Variants in ROCK1 observed in about 807,000 individuals in gnomAD.
The protein encoded by ROCK1 is Rho associated coiled-coil containing protein kinase 1, also known as rho-associated protein kinase 1.
In ROCK1, 36 loss-of-function variants were observed where a neutral mutation model predicts 196.8. The observed-to-expected ratio is 0.18, with a 90% CI of 0.14 to 0.24. ROCK1 has a LOEUF of 0.24. Ranked by LOEUF, ROCK1 falls within the 10% of genes least tolerant of loss-of-function variation. The pLI is 1.00. For missense variants in ROCK1, 920 were observed against 1,562.0 expected, an observed-to-expected ratio of 0.59 and a Z score of 6.93; for synonymous variants, 443 against 515.9, an observed-to-expected ratio of 0.86 and a Z score of 1.91.
At chr18:20,972,371 T>C (rs867903650) in intron 22 of ROCK1, among the ~76,000 whole-genome samples, 7 of 152,110 alleles carry the variant, frequency 4.6e-5, no homozygotes, top group African/African-American at 1.7e-4. Context: ...ACACGTTAAA[T>C]GTGGGGTGCT....
intron 9 of ROCK1, among the ~76,000 whole-genome samples, chr18:21,031,604 CAAAAAAAAAAAA>C (rs781463990): frequency 1.9e-5 from 1 of 51,880 alleles, no homozygotes; most frequent in East Asian, 6.2e-4. Flanking sequence ...GACTCCATCT[CAAAAAAAAAAAA>C]AAAAAAAAAG....
At chr18:20,965,799 C>A (rs1387028384) in intron 27 of ROCK1, among the ~76,000 whole-genome samples, 6 of 152,118 alleles carry the variant, frequency 3.9e-5, no homozygotes, top group Admixed American at 3.3e-4. Flanking sequence ...AGAAATATTT[C>A]TTCGCTGCCT....
chr18:21,068,472 T>C (rs1477301000), intron 2 of ROCK1, among the ~76,000 whole-genome samples: 10 of 152,220 alleles, frequency 6.6e-5, no homozygotes, highest in Non-Finnish European at 1.0e-4. Context: ...TACATTTCCA[T>C]ATGAATTACA....
At chr18:21,019,515 C>T (rs1436071498) in intron 12 of ROCK1, among the ~76,000 whole-genome samples, 4 of 151,910 alleles carry the variant, frequency 2.6e-5, no homozygotes, top group Admixed American at 6.6e-5. Flanking sequence ...GACTGTTGGC[C>T]GGGTGCGGTG....
chr18:21,046,732 AC>A (rs1456090556), intron 4 of ROCK1, among the ~76,000 whole-genome samples: 1 of 152,232 alleles, frequency 6.6e-6, no homozygotes, highest in Non-Finnish European at 1.5e-5. Flanking sequence ...ACTAAAAAAA[AC>A]AAGCCCTAGA....
At chr18:21,044,003 TA>T in intron 6 of ROCK1, 98 bp downstream of exon 6, 1 of 713,320 alleles carries the variant, frequency 1.4e-6, no homozygotes, top group Non-Finnish European at 2.4e-6. Context: ...CTATGGTTAG[TA>T]AATTCTTACA....
intron 32 of ROCK1, among the ~76,000 whole-genome samples, chr18:20,952,520 G>A (rs1356530033): frequency 6.6e-6 from 1 of 152,140 alleles, no homozygotes; most frequent in Non-Finnish European, 1.5e-5. Flanking sequence ...GCTCACGCCT[G>A]TAATCCCAGC....
At position 21,044,091 on chromosome 18, in the gene ROCK1, AG is replaced by A. The variant is rs1428647125; in HGVS notation, c.675+10del. 4.7e-6 allele frequency: 7 copies of A among 1,484,142 alleles called. No homozygotes were observed. Among genetic ancestry groups the A allele is most frequent in the Non-Finnish European group, 6.5e-6 (7 of 1,070,052 alleles). The allele number at this position is 1,484,142 out of a possible 1,614,324, so 91.9% of individuals were successfully genotyped here. A position where few individuals can be genotyped will look rare whatever the true frequency, so the allele number is the denominator to read the frequency against. ...ATTAGCAAAAACTAAATTAAAATCTAGTTAATTAACCTTATTCATCTTCATA... is the reference window on the plus strand; with the variant it reads ...ATTAGCAAAAACTAAATTAAAATCTATTAATTAACCTTATTCATCTTCATA... On this transcript the variant is annotated intron_variant, in intron 6 of 32. Transcript: ENST00000399799.
At chr18:21,061,325 C>T (rs2036288741) in intron 2 of ROCK1, among the ~76,000 whole-genome samples, 1 of 152,094 alleles carries the variant, frequency 6.6e-6, no homozygotes, top group African/African-American at 2.4e-5. Context: ...GGTGATCTGC[C>T]CGCTTCAGCC....
intron 22 of ROCK1, among the ~76,000 whole-genome samples, chr18:20,971,692 A>G (rs914209375): frequency 1.4e-5 from 2 of 143,974 alleles, no homozygotes; most frequent in African/African-American, 5.7e-5. Flanking sequence ...AAATAAATAA[A>G]TAAATAAATA....
At chr18:21,026,693 T>C (rs2143474695) in intron 10 of ROCK1, among the ~76,000 whole-genome samples, 1 of 152,172 alleles carries the variant, frequency 6.6e-6, no homozygotes, top group Middle Eastern at 3.4e-3. Context: ...AAGATTAACT[T>C]GAATGGCTCT....
Position 20,970,522 on chromosome 18 carries a change from A to G in ROCK1, c.2655-9T>C. On this transcript the variant is annotated splice_polypyrimidine_tract_variant and intron_variant, in intron 22 of 32. Coordinates refer to ENST00000399799, the MANE Select transcript of ROCK1 (RefSeq NM_005406.3). ...GAGTAGCAAGAGTTTCTCTGCAACAATTTTTTAAGAGAAACTGATGTAAAC... is the reference window on the plus strand; with the variant it reads ...GAGTAGCAAGAGTTTCTCTGCAACAGTTTTTTAAGAGAAACTGATGTAAAC... The G allele has an allele frequency of 1.3e-6, 2 of 1,580,676 alleles. No homozygotes were observed. Among genetic ancestry groups the G allele is most frequent in the South Asian group, 2.3e-5 (2 of 86,500 alleles).
rs1341249621 is a variant in ROCK1 at position 21,006,418 on chromosome 18, C to T, written c.1818G>A (p.Leu606=). The change falls in exon 16 of 33, where the codon CTG becomes CTA. Residue 606 remains leucine, a synonymous_variant. Transcript: ENST00000399799. Reference sequence around the variant, plus strand: ...TTCGTTCAGCTTCTAATATAGCTTGCAGCTGGTAATAATCTTTGTCTGTTT... The same window carrying T: ...TTCGTTCAGCTTCTAATATAGCTTGTAGCTGGTAATAATCTTTGTCTGTTT... ...KSQTDKDYYQ[L]QAILEAERRD... The T allele has an allele frequency of 6.2e-7, 1 of 1,613,474 alleles. No homozygotes were observed. The highest frequency in any genetic ancestry group is 8.5e-7 in the Non-Finnish European group (1 of 1,179,900).
chr18:21,049,628 A>T, intron 3 of ROCK1, 152 bp downstream of exon 3: 1 of 582,280 alleles, frequency 1.7e-6, no homozygotes, highest in Non-Finnish European at 2.9e-6. Context: ...TAGATTTGAC[A>T]CTAGGCTTCC....
chr18:21,006,528 C>G lies in ROCK1; in HGVS notation c.1708G>C (p.Glu570Gln), dbSNP rs1210791781. Reference protein sequence around the residue: ...TAVRLRKSHTEMSKSISQLES... With the variant: ...TAVRLRKSHTQMSKSISQLES... ...AACTGACTAATTGACTTGCTCATCT[C>G]TGTGTGACTCTTCCTCAATCTTACA... Residue 570 changes from glutamate to glutamine, a missense_variant, in exon 16 of 33, where the codon GAG (glutamate) becomes CAG (glutamine). Glu to Gln is a conservative substitution (Grantham distance 29, BLOSUM62 2). Transcript: ENST00000399799. The G allele has an allele frequency of 1.2e-6, 2 of 1,613,878 alleles. No individual in the cohort carries two copies. The highest frequency in any genetic ancestry group is 1.7e-6 in the Non-Finnish European group (2 of 1,179,968).
rs199789586 is a variant in ROCK1, at chr18:20,985,999, T to C, written c.2304+951A>G. On this transcript the variant is annotated intron_variant, in intron 19 of 32. Transcript: ENST00000399799. ...TCAGCCTCCTGAGTAGCTGGAACTA[T>C]AGGCATGCGACACCACACCTAGCTG... is the stretch of plus-strand genomic sequence containing the variant. Among the ~76,000 whole-genome samples, 7 of 152,034 alleles carry C rather than the reference T, an allele frequency of 4.6e-5. No homozygotes were observed. The East Asian group carries it at 9.7e-4, about 21-fold the overall frequency.
At chr18:21,039,608 T>G in intron 8 of ROCK1, 45 bp from the exon 9 acceptor site, 1 of 1,350,836 alleles carries the variant, frequency 7.4e-7, no homozygotes, top group Non-Finnish European at 1.1e-6. Flanking sequence ...ATTTAAGATC[T>G]TATTATAACC....
chr18:21,072,956 C>T (rs1598552541), intron 1 of ROCK1, among the ~76,000 whole-genome samples: 1 of 150,306 alleles, frequency 6.7e-6, no homozygotes, highest in East Asian at 2.0e-4. Flanking sequence ...TACCTGTAAT[C>T]CCAGCTACTC....
chr18:21,080,495 A>C (rs7231242), intron 1 of ROCK1, among the ~76,000 whole-genome samples: 24,360 of 152,136 alleles, frequency 0.16, 3,925 homozygotes, highest in African/African-American at 0.41. Flanking sequence ...AAAAACTAAC[A>C]CTTTAAGTAT....
Sources: gnomAD v4.1 joint callset for allele counts (sites outside exome capture counted in the v4.1 genomes callset) on GRCh38, gnomAD v4.1.1 for gene constraint, MANE v1.5 for transcripts, NCBI Gene and HGNC (gene_info 2026-07-23, HGNC 2026-07-21) for gene names.